The following SEL1L3 variants were observed in gnomAD, a reference collection of about 807,000 sequenced individuals.
The protein encoded by SEL1L3 is SEL1L family member 3.
Under a neutral mutation model 142.8 loss-of-function variants are expected in SEL1L3, and 76 were observed. The ratio of observed to expected loss-of-function variants is 0.53; its 90% confidence interval spans 0.44 to 0.64. SEL1L3 has a LOEUF of 0.64. Among genes scored for constraint, SEL1L3 ranks in the 30% least tolerant of loss-of-function variants. The pLI is 0.00. For missense variants in SEL1L3, 1,262 were observed against 1,381.7 expected (o/e 0.91, Z 1.37); for synonymous variants, 504 against 519.6 (o/e 0.97, Z 0.41).
intron 1 of SEL1L3, among the ~76,000 whole-genome samples, chr4:25,848,855 C>T (rs141735738): frequency 1.1e-3 from 174 of 152,282 alleles, no homozygotes; most frequent in East Asian, 6.8e-3. Flanking sequence ...ATCATATGAT[C>T]AGACTGGGCG....
intron 13 of SEL1L3, among the ~76,000 whole-genome samples, chr4:25,787,306 A>G (rs1343864675): frequency 1.3e-5 from 2 of 152,198 alleles, no homozygotes; most frequent in South Asian, 2.1e-4. Flanking sequence ...CAACCACTCA[A>G]TCAGTGTGAA....
rs1304387421 is a variant in SEL1L3, at chr4:25,862,784, G to A, written c.53C>T (p.Pro18Leu). Residue 18 changes from proline to leucine, a missense_variant, in exon 1 of 24, where the codon CCC becomes CTC. Around this residue, in one of 3 missense-constraint regions of SEL1L3, gnomAD observed 689 missense variants for 692.8 expected, o/e 0.99. Coordinates refer to ENST00000399878, the MANE Select transcript of SEL1L3 (RefSeq NM_015187.5). ...CCGGGGGCCGACCGCGAGCGGCGGG[G>A]GTTGCTGCTGCTGCTGCCGCGGCCA... ...LGWPRQQQQQ[P>L]PPLAVGPRAA... 1.2e-5 allele frequency: 14 copies of A among 1,190,500 alleles called. No homozygotes were observed. The highest frequency in any genetic ancestry group is 1.6e-5 in the African/African-American group (1 of 62,570). 73.7% of individuals were successfully genotyped at this position (1,190,500 alleles called of 1,614,324 possible).
intron 9 of SEL1L3, among the ~76,000 whole-genome samples, chr4:25,809,072 CAAAA>C (rs57752271): frequency 3.3e-5 from 2 of 60,274 alleles, no homozygotes; most frequent in African/African-American, 5.8e-5. Flanking sequence ...GACTCTGTCT[CAAAA>C]AAAAAAAAAA....
chr4:25,764,588 C>A (rs1054113178), intron 20 of SEL1L3, among the ~76,000 whole-genome samples: 9 of 152,146 alleles, frequency 5.9e-5, no homozygotes, highest in Non-Finnish European at 1.2e-4. Context: ...ACAGTACAAG[C>A]AAAACACTTC....
intron 21 of SEL1L3, 27 bp downstream of exon 21, chr4:25,758,914 C>G (rs1214880015): frequency 4.4e-6 from 7 of 1,591,708 alleles, no homozygotes; most frequent in Non-Finnish European, 6.0e-6. Flanking sequence ...CCCTCAGATT[C>G]CACAGTTCTA....
intron 20 of SEL1L3, among the ~76,000 whole-genome samples, chr4:25,764,204 T>C (rs1389209257): frequency 2.0e-5 from 3 of 152,114 alleles, no homozygotes; most frequent in Non-Finnish European, 4.4e-5. Context: ...TCTTCAAGTA[T>C]CAAGAGTCAT....
At chr4:25,752,632 G>GT (rs1156370057) in intron 23 of SEL1L3, among the ~76,000 whole-genome samples, 1 of 151,998 alleles carries the variant, frequency 6.6e-6, no homozygotes, top group East Asian at 1.9e-4. Flanking sequence ...GTTTTGTTTT[G>GT]TTTTTGAGAC....
chr4:25,792,777 G>A (rs1471309965), intron 11 of SEL1L3, among the ~76,000 whole-genome samples: 1 of 152,216 alleles, frequency 6.6e-6, no homozygotes, highest in East Asian at 1.9e-4. Context: ...CTGGCCCAAG[G>A]CCCACAGGTG....
rs532919140 is a variant in SEL1L3, at chr4:25,859,517, C to T, written c.162+3158G>A. On this transcript the variant is annotated intron_variant, in intron 1 of 23. Transcript: ENST00000399878. Reference sequence around the variant, plus strand: ...CGGAAGGCACCCACTCCTCAGGACCCTGACTCCAGGAAGCATGCTCCCTGT... The same window carrying T: ...CGGAAGGCACCCACTCCTCAGGACCTTGACTCCAGGAAGCATGCTCCCTGT... Among the ~76,000 whole-genome samples the T allele has an allele frequency of 4.6e-5, 7 of 152,328 alleles. No individual in the cohort carries two copies. The South Asian group carries it at 1.5e-3, about 32-fold the overall frequency.
intron 11 of SEL1L3, among the ~76,000 whole-genome samples, chr4:25,799,847 ATGCGGAG>A (rs1713055932): frequency 6.6e-6 from 1 of 152,202 alleles, no homozygotes; most frequent in African/African-American, 2.4e-5. Flanking sequence ...GTATTATCAT[ATGCGGAG>A]TGCAGCTGAA....
chr4:25,723,286 G>A, the SEL1L3 span, among the ~76,000 whole-genome samples: 14 of 152,320 alleles, frequency 9.2e-5, no homozygotes, highest in East Asian at 1.7e-3. Context: ...GTAAGTTGAA[G>A]TATTTTTCTA....
Position 25,862,681 on chromosome 4 carries a change from G to A in SEL1L3, c.156C>T (p.Cys52=), listed in dbSNP as rs1717810474. Residue 52 remains cysteine (C), a synonymous_variant, in exon 1 of 24, where the codon TGC becomes TGT. Coordinates refer to ENST00000399878, the MANE Select transcript of SEL1L3 (RefSeq NM_015187.5). ...GRSACALLLL[C]YLNVVPSLGR... ...GGCAGGGTCCGGCGCTCACCAGGTA[G>A]CAGAGCAGGAGCAGCGCGCAGGCAG... 2.3e-6 allele frequency: 3 copies of A among 1,298,338 alleles called. No individual in the cohort carries two copies. The highest frequency in any genetic ancestry group is 2.2e-5 in the South Asian group (1 of 45,660). 80.4% of individuals were successfully genotyped at this position (1,298,338 alleles called of 1,614,324 possible). A position where few individuals can be genotyped will look rare whatever the true frequency, so the allele number is the denominator to read the frequency against.
rs371273437 is a variant in SEL1L3 at position 25,757,809 on chromosome 4, G to T, written c.3084-19C>A. The T allele has an allele frequency of 9.7e-6, 15 of 1,548,330 alleles. No individual in the cohort carries two copies. Among genetic ancestry groups the T allele is most frequent in the Non-Finnish European group, 1.3e-5 (15 of 1,142,616 alleles). On this transcript the variant is annotated intron_variant, in intron 21 of 23. Coordinates refer to ENST00000399878, the MANE Select transcript of SEL1L3 (RefSeq NM_015187.5). ...CCAGCACCTGCAGACAAAGCCCAGG[G>T]CATCTTGACGTGTCAGCCAACTTTG...
At chr4:25,844,222 C>T (rs1241605250) in intron 2 of SEL1L3, among the ~76,000 whole-genome samples, 2 of 152,188 alleles carry the variant, frequency 1.3e-5, no homozygotes, top group African/African-American at 4.8e-5. Flanking sequence ...AGGCTTGGCC[C>T]CCTTCTATCC....
chr4:25,756,927 A>G lies in SEL1L3; in HGVS notation c.3259+607T>C, dbSNP rs952551314. On this transcript the variant is annotated intron_variant, in intron 23 of 23. Coordinates refer to ENST00000399878, the MANE Select transcript of SEL1L3 (RefSeq NM_015187.5). ...CAGAATTCTGACAGATAAATTTTCA[A>G]TGGAAGAAATTGTATTAGGTCAGTT... 29 of 1,277,018 alleles carry G rather than the reference A, an allele frequency of 2.3e-5. No homozygotes were observed. In the East Asian group the frequency reaches 4.5e-4, roughly 20 times the overall value. 79.1% of individuals were successfully genotyped at this position (1,277,018 alleles called of 1,614,324 possible). A position where few individuals can be genotyped will look rare whatever the true frequency, so the allele number is the denominator to read the frequency against.
intron 23 of SEL1L3, among the ~76,000 whole-genome samples, chr4:25,751,697 T>TTA (rs536038449): frequency 1.3e-5 from 2 of 149,510 alleles, no homozygotes; most frequent in Non-Finnish European, 3.0e-5. Context: ...TATATATTCT[T>TTA]TATATATATA....
chr4:25,863,305 C>A (rs1717880923), upstream of SEL1L3: 2 of 538,220 alleles, frequency 3.7e-6, no homozygotes, highest in Non-Finnish European at 6.5e-6. Context: ...CCTCTCCCTC[C>A]GGCTCCCTCT....
At chr4:25,778,016 C>A (rs540575673) in intron 16 of SEL1L3, 6 of 322,248 alleles carry the variant, frequency 1.9e-5, no homozygotes, top group African/African-American at 1.3e-4. Flanking sequence ...CTCTTGGAGC[C>A]ATACAAAACA....
downstream of SEL1L3, among the ~76,000 whole-genome samples, chr4:25,746,515 T>TATATATATTTAA (rs1553861771): frequency 2.3e-4 from 16 of 70,820 alleles, no homozygotes; most frequent in African/African-American, 6.6e-4. Context: ...TAAATATATA[T>TATATATATTTAA]ATATATATAT....
Sources: gnomAD v4.1 joint callset for allele counts (sites outside exome capture counted in the v4.1 genomes callset) on GRCh38, gnomAD v4.1.1 for gene constraint, gnomAD v4.1.1 regional missense constraint, MANE v1.5 for transcripts, NCBI Gene and HGNC (gene_info 2026-07-23, HGNC 2026-07-21) for gene names.